TPO: variants seen among roughly 807,000 people sequenced by gnomAD.
TPO encodes the protein thyroid microsomal antigen.
In TPO, 78 loss-of-function variants were observed where a neutral mutation model predicts 96.9. The observed-to-expected ratio is 0.81, with a 90% confidence interval of 0.67 to 0.97. The LOEUF (loss-of-function observed/expected upper bound fraction) is 0.97. Ranked by LOEUF, TPO falls within the 50% of genes least tolerant of loss-of-function variation. The pLI is 0.00. For missense variants in TPO, 1,252 were observed against 1,274.8 expected (o/e 0.98, Z 0.27); for synonymous variants, 547 against 538.0 (o/e 1.02, Z -0.23).
At chr2:1,475,976 G>A (rs116142207) in intron 7 of TPO, among the ~76,000 whole-genome samples, 3,177 of 152,050 alleles carry the variant, frequency 0.021, 113 homozygotes, top group African/African-American at 0.072. Context: ...CCTGTGCCTG[G>A]GTCCATCAGG....
chr2:1,440,645 G>C (rs1317772087), intron 5 of TPO, among the ~76,000 whole-genome samples: 2 of 133,258 alleles, frequency 1.5e-5, no homozygotes, highest in Middle Eastern at 3.5e-3. Context: ...ACTTTAGAAG[G>C]GAATGGAGCA....
At position 1,464,207 on chromosome 2, in the gene TPO, T is replaced by A. The variant is rs1338231520; in HGVS notation, c.819+7925T>A. ...ATAATAGTCTCCAATCTCAACCAGG[T>A]CTCTGCAAATGCCATTAATTCACTC... is the stretch of plus-strand genomic sequence containing the variant. On this transcript the variant is annotated intron_variant, in intron 7 of 16. Coordinates refer to ENST00000329066, the MANE Select transcript of TPO (RefSeq NM_001206744.2). Among the ~76,000 whole-genome samples the A allele has an allele frequency of 2.6e-5, 4 of 152,170 alleles. No homozygotes were observed. In the East Asian group the frequency reaches 7.7e-4, roughly 29 times the overall value.
In TPO at chr2:1,525,292, ACCTCCTCAAATCCCCCCCACTGTGTG is replaced by A. The variant is rs1391487619; in HGVS notation, c.2618+8326_2618+8351del. 2.0e-4 allele frequency among the ~76,000 whole-genome samples: 25 copies of A among 122,294 alleles called. No individual in the cohort carries two copies. The South Asian group carries it at 7.2e-3, about 35-fold the overall frequency. The allele number at this position is 122,294 out of a possible 152,430, so 80.2% of individuals were successfully genotyped here. A position where few individuals can be genotyped will look rare whatever the true frequency, so the allele number is the denominator to read the frequency against. ...CTCCTCAAATCCCCTACTCTGTGGA[ACCTCCTCAAATCCCCCCCACTGTGTG>A]CCTCCTCAAATCCCCTCACTATGTG... is the stretch of plus-strand genomic sequence containing the variant. On this transcript the variant is annotated intron_variant, in intron 15 of 16. Transcript: ENST00000329066.
rs772758890 is a variant in TPO, at chr2:1,516,911, G to T, written c.2547G>T (p.Trp849Cys). The stretch of plus-strand genomic sequence containing the variant: ...CCGGGAGGCTCCCTCGGGTGACTTG[G>T]ATCTCCATGTCGCTGGCTGCTCTGC... Reference protein sequence around the residue: ...VDSGRLPRVTWISMSLAALLI... With the variant: ...VDSGRLPRVTCISMSLAALLI... Residue 849 changes from tryptophan (W) to cysteine (C), a missense_variant, in exon 15 of 17, where the codon TGG becomes TGT. Trp to Cys is a radical substitution (Grantham distance 215). Transcript: ENST00000329066. The T allele has an allele frequency of 9.3e-6, 15 of 1,613,862 alleles. No homozygotes were observed. Among genetic ancestry groups the T allele is most frequent in the Non-Finnish European group, 1.1e-5 (13 of 1,180,044 alleles).
intron 8 of TPO, among the ~76,000 whole-genome samples, chr2:1,480,094 T>A (rs1210831867): frequency 6.6e-6 from 1 of 152,188 alleles, no homozygotes; most frequent in African/African-American, 2.4e-5. Context: ...CTTTTCTTAT[T>A]ATTAATGAAA....
chr2:1,469,216 G>A (rs1222654166), intron 7 of TPO, among the ~76,000 whole-genome samples: 2 of 152,136 alleles, frequency 1.3e-5, no homozygotes, highest in African/African-American at 4.8e-5. Flanking sequence ...GTAAATCAGG[G>A]ATTTCTCCTT....
intron 7 of TPO, among the ~76,000 whole-genome samples, chr2:1,468,020 T>C (rs1394432818): frequency 6.6e-6 from 1 of 151,428 alleles, no homozygotes; most frequent in Non-Finnish European, 1.5e-5. Flanking sequence ...TGCTCGCTTT[T>C]GGTGTCCATT....
chr2:1,416,985 G>A (rs1009127828), intron 2 of TPO, among the ~76,000 whole-genome samples: 1 of 152,180 alleles, frequency 6.6e-6, no homozygotes, highest in Non-Finnish European at 1.5e-5. Context: ...TTGGTGGGTG[G>A]CTCACCCTTA....
At chr2:1,511,790 C>T (rs917575606) in intron 14 of TPO, among the ~76,000 whole-genome samples, 1 of 152,214 alleles carries the variant, frequency 6.6e-6, no homozygotes, top group Non-Finnish European at 1.5e-5. Context: ...GCTCCATCCC[C>T]AAATCAGCCA....
chr2:1,383,791 C>T (rs1437963593), intron 1 of TPO, among the ~76,000 whole-genome samples: 3 of 152,156 alleles, frequency 2.0e-5, no homozygotes, highest in Non-Finnish European at 2.9e-5. Flanking sequence ...CCATGACGTC[C>T]TTGCCCATGC....
chr2:1,444,171 C>A (rs1666517230), intron 5 of TPO, among the ~76,000 whole-genome samples: 1 of 131,206 alleles, frequency 7.6e-6, no homozygotes, highest in Admixed American at 7.6e-5. Flanking sequence ...GGGAATGGGG[C>A]AGGCTCCTTC....
chr2:1,487,353 C>G (rs1671267765), intron 9 of TPO, among the ~76,000 whole-genome samples: 1 of 152,218 alleles, frequency 6.6e-6, no homozygotes. Flanking sequence ...CACCTGCCAA[C>G]AAGGGCAGTG....
rs750948449 is a variant in TPO, at chr2:1,504,019, G to T, written c.2458G>T (p.Gly820Cys). 6.2e-7 allele frequency: 1 copy of T among 1,614,210 alleles called. No individual in the cohort carries two copies. The highest frequency in any genetic ancestry group is 2.2e-5 in the East Asian group (1 of 44,878). ...ASARCRNTKG[G>C]FQCLCADPYE... The stretch of plus-strand genomic sequence containing the variant: ...TGCGAGGTGCAGAAACACCAAAGGC[G>T]GCTTCCAGTGTCTCTGCGCGGACCC... The change falls in exon 14 of 17, where the codon GGC becomes TGC. Residue 820 changes from glycine to cysteine, a missense_variant. Transcript: ENST00000329066.
intron 8 of TPO, among the ~76,000 whole-genome samples, chr2:1,482,258 G>A (rs1016015802): frequency 6.6e-6 from 1 of 152,136 alleles, no homozygotes; most frequent in East Asian, 1.9e-4. Flanking sequence ...CTGGCTTCCC[G>A]TCACCTTCAC....
At chr2:1,484,457 C>T in intron 8 of TPO, 139 bp from the exon 9 acceptor site, 1 of 1,093,756 alleles carries the variant, frequency 9.1e-7, no homozygotes, top group African/African-American at 1.6e-5. Flanking sequence ...CTGGGAAGTT[C>T]AGCTGAGGCC....
chr2:1,493,621 G>A (rs1163879284), intron 10 of TPO, among the ~76,000 whole-genome samples, 181 bp from the exon 11 acceptor site: 2 of 149,096 alleles, frequency 1.3e-5, no homozygotes, highest in Non-Finnish European at 2.9e-5. Context: ...GGGTGGGACA[G>A]GACTCTGCCG....
intron 15 of TPO, among the ~76,000 whole-genome samples, chr2:1,538,121 G>A (rs1169288185): frequency 3.9e-5 from 4 of 102,472 alleles, no homozygotes; most frequent in East Asian, 2.2e-4. Context: ...TCAAATCCCC[G>A]CACTGTGTTC....
rs777937878 is a variant in TPO, at chr2:1,453,761, G to A, written c.550G>A (p.Gly184Ser). The change falls in exon 6 of 17, where the codon GGC becomes AGC. Residue 184 changes from glycine to serine, a missense_variant. By Grantham distance (56) the Gly-to-Ser change is moderately conservative. Coordinates refer to ENST00000329066, the MANE Select transcript of TPO (RefSeq NM_001206744.2). The stretch of plus-strand genomic sequence containing the variant: ...ATGGCTCCCTCCAGTCTATGAGGAC[G>A]GCTTCAGTCAGCCCCGAGGCTGGAA... ...ARWLPPVYED[G>S]FSQPRGWNPG... 19 of 1,613,806 alleles carry A rather than the reference G, an allele frequency of 1.2e-5. No homozygotes were observed. The highest frequency in any genetic ancestry group is 1.6e-4 in the Middle Eastern group (1 of 6,084).
In TPO at chr2:1,496,701, C is replaced by T. The variant is rs778740573; in HGVS notation, c.2322C>T (p.Leu774=). Residue 774 remains leucine, a synonymous_variant, in exon 13 of 17, where the codon CTC becomes CTT. Transcript: ENST00000329066. Reference sequence around the variant, plus strand: ...ATTCCTGCCGGCACGGGTATGAGCTCCAAGGCCGGGAGCAGCTCACTTGCA... The same window carrying T: ...ATTCCTGCCGGCACGGGTATGAGCTTCAAGGCCGGGAGCAGCTCACTTGCA... ...LVYSCRHGYE[L]QGREQLTCTQ... is the part of the protein sequence containing the mutation. 6.2e-7 allele frequency: 1 copy of T among 1,614,084 alleles called. No individual in the cohort carries two copies. The highest frequency in any genetic ancestry group is 8.5e-7 in the Non-Finnish European group (1 of 1,180,030).
Sources: gnomAD v4.1 joint callset for allele counts (sites outside exome capture counted in the v4.1 genomes callset) on GRCh38, gnomAD v4.1.1 for gene constraint, MANE v1.5 for transcripts, NCBI Gene and HGNC (gene_info 2026-07-23, HGNC 2026-07-21) for gene names.